Variants in FRMD6 observed in about 807,000 individuals in gnomAD.
FRMD6 encodes FERM domain-containing protein 6.
FRMD6 carries 37 observed loss-of-function variants against 73.2 expected under a neutral mutation model. That is an observed-to-expected ratio of 0.51 (90% CI 0.39 to 0.66). FRMD6 has a LOEUF of 0.66. Among genes scored for constraint, FRMD6 ranks in the 30% least tolerant of loss-of-function variants. The pLI, the probability that FRMD6 is intolerant of heterozygous loss-of-function variation, is 0.00. For synonymous variants in FRMD6, 273 were observed against 282.2 expected (o/e 0.97, Z 0.33); for missense variants, 714 against 780.5 (o/e 0.91, Z 1.02).
chr14:51,514,163 G>C (rs772048363), intron 1 of FRMD6, among the ~76,000 whole-genome samples: 26 of 152,174 alleles, frequency 1.7e-4, no homozygotes, highest in Non-Finnish European at 2.8e-4. Flanking sequence ...CCTGGTTACA[G>C]CTAAATTGAC....
intron 1 of FRMD6, among the ~76,000 whole-genome samples, chr14:51,529,607 A>C (rs1885464589): frequency 6.6e-6 from 1 of 152,210 alleles, no homozygotes; most frequent in Admixed American, 6.5e-5. Flanking sequence ...AGGAAAAAGA[A>C]CTGAAATTTC....
chr14:51,721,480 C>T (rs780864165), intron 11 of FRMD6, among the ~76,000 whole-genome samples: 2 of 152,018 alleles, frequency 1.3e-5, no homozygotes, highest in Non-Finnish European at 2.9e-5. Context: ...CGTAGTGGCG[C>T]GCGTCTTCAG....
intron 1 of FRMD6, among the ~76,000 whole-genome samples, chr14:51,683,194 A>G (rs1894922469): frequency 6.6e-6 from 1 of 152,226 alleles, no homozygotes; most frequent in East Asian, 1.9e-4. Context: ...TCCGAGGCCT[A>G]GATCTCTGTA....
chr14:51,611,896 G>A (rs1263896683), intron 2 of FRMD6, among the ~76,000 whole-genome samples: 9 of 152,210 alleles, frequency 5.9e-5, no homozygotes, highest in Admixed American at 5.2e-4. Context: ...GCGATAATGG[G>A]GGAATGCTTA....
the FRMD6 span, among the ~76,000 whole-genome samples, chr14:51,449,651 A>G: frequency 6.6e-6 from 1 of 152,326 alleles, no homozygotes; most frequent in African/African-American, 2.4e-5. Context: ...ATTAATTTTA[A>G]TTAACTTTAT....
chr14:51,397,391 A>T, the FRMD6 span, among the ~76,000 whole-genome samples: 4 of 152,188 alleles, frequency 2.6e-5, no homozygotes, highest in Non-Finnish European at 4.4e-5. Context: ...TTGCTCAGAC[A>T]CCTTCCCTTT....
At chr14:51,703,614 G>A (rs1896455667) in intron 5 of FRMD6, among the ~76,000 whole-genome samples, 2 of 152,000 alleles carry the variant, frequency 1.3e-5, no homozygotes, top group South Asian at 4.1e-4. Flanking sequence ...CTGGGGCTAA[G>A]TTTTAATGCA....
intron 2 of FRMD6, among the ~76,000 whole-genome samples, chr14:51,645,396 G>T (rs1271662465): frequency 6.6e-6 from 1 of 152,096 alleles, no homozygotes. Context: ...TAGCCTCAGT[G>T]AACTTCCCAT....
At chr14:51,595,356 A>G (rs1400091150) in intron 2 of FRMD6, among the ~76,000 whole-genome samples, 2 of 152,228 alleles carry the variant, frequency 1.3e-5, no homozygotes, top group Non-Finnish European at 2.9e-5. Flanking sequence ...AGATTATTCT[A>G]CAAAACACTT....
In FRMD6 at chr14:51,728,072, A is replaced by G. The variant is rs748334240; in HGVS notation, c.*43A>G. 7.1e-6 allele frequency: 11 copies of G among 1,557,942 alleles called. No homozygotes were observed. In the South Asian group the frequency reaches 9.5e-5, roughly 13 times the overall value. On this transcript the variant is annotated 3_prime_UTR_variant, in exon 14 of 14. Coordinates refer to ENST00000344768, the MANE Select transcript of FRMD6 (RefSeq NM_001267046.2). ...CTGTACAGGCAGCTTACTGTTTGCT[A>G]GAGGATGCGAAAGTCATAAGTTCTT...
At chr14:51,626,762 G>C (rs1891130975) in intron 2 of FRMD6, among the ~76,000 whole-genome samples, 1 of 152,154 alleles carries the variant, frequency 6.6e-6, no homozygotes, top group African/African-American at 2.4e-5. Flanking sequence ...ACTTTGAACA[G>C]AGACCTCTTT....
intron 1 of FRMD6, among the ~76,000 whole-genome samples, chr14:51,677,664 A>G (rs1243581306): frequency 6.6e-6 from 1 of 152,086 alleles, no homozygotes; most frequent in African/African-American, 2.4e-5. Flanking sequence ...TTGGTTGCCT[A>G]TCTAACATCT....
intron 7 of FRMD6, among the ~76,000 whole-genome samples, chr14:51,710,559 A>G (rs547352256): frequency 1.3e-5 from 2 of 152,270 alleles, no homozygotes; most frequent in East Asian, 3.9e-4. Context: ...GTAAAAATAT[A>G]CTAGTTGGAA....
upstream of FRMD6, chr14:51,651,791 G>A (rs1892408414): frequency 7.0e-6 from 1 of 143,180 alleles, no homozygotes; most frequent in Non-Finnish European, 1.6e-5. Context: ...CAGTTGGGGC[G>A]GGTCGGGGGC....
At chr14:51,628,341 C>A (rs1159663905) in intron 2 of FRMD6, among the ~76,000 whole-genome samples, 1 of 152,108 alleles carries the variant, frequency 6.6e-6, no homozygotes, top group Non-Finnish European at 1.5e-5. Context: ...ATCCATCTTA[C>A]ATGTATAATT....
chr14:51,578,155 A>T (rs559968132), intron 2 of FRMD6, among the ~76,000 whole-genome samples: 2 of 152,340 alleles, frequency 1.3e-5, no homozygotes, highest in South Asian at 4.1e-4. Context: ...TAAGAGACTG[A>T]TAATAGCATC....
At chr14:51,590,344 G>T (rs113552661) in intron 2 of FRMD6, among the ~76,000 whole-genome samples, 2,744 of 152,020 alleles carry the variant, frequency 0.018, 97 homozygotes, top group African/African-American at 0.063. Context: ...GTTTGTTTTT[G>T]TTTTTAAACA....
the FRMD6 span, among the ~76,000 whole-genome samples, chr14:51,469,618 G>GAAAAAAAAAAAAAAAAA: frequency 1.0e-5 from 1 of 96,764 alleles, no homozygotes; most frequent in Admixed American, 1.1e-4. Flanking sequence ...ATTTCAAAAA[G>GAAAAAAAAAAAAAAAAA]AAAAAAAAAA....
the FRMD6 span, among the ~76,000 whole-genome samples, chr14:51,447,441 G>A: frequency 6.6e-6 from 1 of 152,104 alleles, no homozygotes; most frequent in African/African-American, 2.4e-5. Context: ...GGAAGACGTC[G>A]TACTTATGGG....
Sources: allele counts gnomAD v4.1 joint callset (sites outside exome capture counted in the v4.1 genomes callset), GRCh38; gene constraint gnomAD v4.1.1; transcripts MANE v1.5; gene names NCBI Gene and HGNC (gene_info 2026-07-23, HGNC 2026-07-21).